The following SMG5 variants were observed in gnomAD, a reference collection of about 807,000 sequenced individuals.
SMG5 encodes the protein SMG5 nonsense mediated mRNA decay factor.
A neutral mutation model predicts 122.9 loss-of-function variants in SMG5; 53 were observed. The ratio of observed to expected loss-of-function variants is 0.43; its 90% CI spans 0.35 to 0.54. SMG5 has a LOEUF of 0.54. Ranked by LOEUF, SMG5 falls within the 20% of genes least tolerant of loss-of-function variation. The pLI, the probability that SMG5 is intolerant of heterozygous loss-of-function variation, is 0.01. For synonymous variants in SMG5, 477 were observed against 490.2 expected (o/e 0.97, Z 0.35); for missense variants, 1,153 against 1,285.6 (o/e 0.90, Z 1.58).
Position 156,265,809 on chromosome 1 carries a change from A to G in SMG5, c.1827T>C (p.Asn609=), listed in dbSNP as rs1451408191. The change falls in exon 12 of 22, where the codon AAT becomes AAC. Residue 609 remains asparagine, a synonymous_variant. Coordinates refer to ENST00000361813, the MANE Select transcript of SMG5 (RefSeq NM_015327.3). ...GCTCTGAAGGCTTGTCTACATCCCC[A>G]TTGACGCAAGGCCTGTGGCTGGCCG... ...HTSASHRPCV[N]GDVDKPSEPA... The G allele has an allele frequency of 1.9e-6, 3 of 1,614,110 alleles. No individual in the cohort carries two copies. The highest frequency in any genetic ancestry group is 2.5e-6 in the Non-Finnish European group (3 of 1,179,974).
chr1:156,262,181 T>C (rs1037339537), intron 13 of SMG5, among the ~76,000 whole-genome samples: 6 of 151,976 alleles, frequency 3.9e-5, no homozygotes, highest in South Asian at 2.1e-4. Flanking sequence ...CTGAGCTTTT[T>C]CACCAGCTGA....
At chr1:156,251,619 ATTC>A in intron 19 of SMG5, 142 bp from the exon 20 acceptor site, 1 of 790,948 alleles carries the variant, frequency 1.3e-6, no homozygotes, top group Middle Eastern at 3.7e-4. Flanking sequence ...CTCTGGAGCC[ATTC>A]TTAAGTGGCT....
chr1:156,282,808 G>T lies in SMG5; in HGVS notation c.-128C>A, dbSNP rs948424373. ...GGCCCTGCTCGGCCGCCATCGCTGT[G>T]AGGCGGCTGCCCGCGACAGCTCCTC... On this transcript the variant is annotated 5_prime_UTR_variant, in exon 1 of 22. Coordinates refer to ENST00000361813, the MANE Select transcript of SMG5 (RefSeq NM_015327.3). The T allele has an allele frequency of 1.9e-6, 2 of 1,035,272 alleles. No homozygotes were observed. The highest frequency in any genetic ancestry group is 2.8e-5 in the East Asian group (1 of 35,778). 64.1% of individuals were successfully genotyped at this position (1,035,272 alleles called of 1,614,324 possible).
At chr1:156,256,797 T>C (rs1225457681) in intron 16 of SMG5, among the ~76,000 whole-genome samples, 1 of 152,138 alleles carries the variant, frequency 6.6e-6, no homozygotes, top group East Asian at 1.9e-4. Context: ...GCTAAGTCTC[T>C]AAAGCAGCAG....
At chr1:156,266,777 G>T in intron 10 of SMG5, 99 bp from the exon 11 acceptor site, 2 of 1,308,114 alleles carry the variant, frequency 1.5e-6, no homozygotes, top group South Asian at 1.5e-5. Flanking sequence ...ACTCTTCCAA[G>T]GATCCAACTA....
intron 16 of SMG5, among the ~76,000 whole-genome samples, chr1:156,257,694 G>A (rs1431164002): frequency 1.3e-5 from 2 of 152,160 alleles, no homozygotes; most frequent in Admixed American, 6.5e-5. Flanking sequence ...TTTTCAGACA[G>A]TAAGGAAGGG....
intron 6 of SMG5, among the ~76,000 whole-genome samples, chr1:156,273,022 T>C (rs1384671697): frequency 6.6e-6 from 1 of 152,148 alleles, no homozygotes; most frequent in African/African-American, 2.4e-5. Flanking sequence ...TGAATGCTTG[T>C]TCCTACATGC....
At chr1:156,286,298 G>A (rs150015785), upstream of SMG5, 32 of 1,614,106 alleles carry the variant, frequency 2.0e-5, no homozygotes, top group Non-Finnish European at 2.7e-5. Flanking sequence ...ATGCTTTTCT[G>A]CCCTTCGGCC....
intron 16 of SMG5, among the ~76,000 whole-genome samples, chr1:156,254,899 G>A (rs1299483057): frequency 5.9e-5 from 9 of 151,532 alleles, no homozygotes; most frequent in Admixed American, 5.9e-4. Flanking sequence ...AGAGCAGCCT[G>A]GCCAACATGG....
chr1:156,271,673 AAGTGATTCTCCTGC>A (rs1214735570), intron 7 of SMG5, among the ~76,000 whole-genome samples: 1 of 87,950 alleles, frequency 1.1e-5, no homozygotes, highest in Non-Finnish European at 2.9e-5. Context: ...TCCTGGGTTC[AAGTGATTCTCCTGC>A]GTTCAAGTGA....
chr1:156,269,340 C>T (rs1209012626), intron 7 of SMG5, among the ~76,000 whole-genome samples: 3 of 152,112 alleles, frequency 2.0e-5, no homozygotes, highest in Non-Finnish European at 2.9e-5. Flanking sequence ...GCCTTAAACT[C>T]CTGGACTCAA....
upstream of SMG5, chr1:156,285,934 G>T: frequency 6.2e-7 from 1 of 1,612,860 alleles, no homozygotes; most frequent in Middle Eastern, 1.6e-4. Flanking sequence ...GTTCCCGCCT[G>T]ATCTACACAC....
chr1:156,282,747 C>G lies in SMG5; in HGVS notation c.-67G>C. On this transcript the variant is annotated 5_prime_UTR_variant, in exon 1 of 22. Coordinates refer to ENST00000361813, the MANE Select transcript of SMG5 (RefSeq NM_015327.3). ...CCACCCACCACTACCGCCAACACTG[C>G]CGTCTCCGGCCGTAGCCGCAGCCGC... 2 of 1,478,806 alleles carry G rather than the reference C, an allele frequency of 1.4e-6. No homozygotes were observed. Among genetic ancestry groups the G allele is most frequent in the Non-Finnish European group, 1.8e-6 (2 of 1,105,358 alleles). 91.6% of individuals were successfully genotyped at this position (1,478,806 alleles called of 1,614,324 possible).
At position 156,272,276 on chromosome 1, in the gene SMG5, T is replaced by G; in HGVS notation, c.713+44A>C. ...GACGGAAAACAAAGCCAAAATAATATGCACACAAAAGCAGGGCTGGAAAAA... is the reference window on the plus strand; with the variant it reads ...GACGGAAAACAAAGCCAAAATAATAGGCACACAAAAGCAGGGCTGGAAAAA... On this transcript the variant is annotated intron_variant, in intron 7 of 21. Transcript: ENST00000361813. 3 of 1,529,032 alleles carry G rather than the reference T, an allele frequency of 2.0e-6. No homozygotes were observed. The East Asian group carries it at 7.2e-5, about 37-fold the overall frequency. The allele number at this position is 1,529,032 out of a possible 1,614,324, so 94.7% of individuals were successfully genotyped here.
At chr1:156,261,112 A>C (rs553120688) in intron 14 of SMG5, among the ~76,000 whole-genome samples, 1 of 152,308 alleles carries the variant, frequency 6.6e-6, no homozygotes, top group African/African-American at 2.4e-5. Flanking sequence ...CCTAGGGAGC[A>C]CACTCCCTTG....
intron 7 of SMG5, among the ~76,000 whole-genome samples, chr1:156,271,029 A>G (rs947794799): frequency 1.3e-5 from 2 of 152,090 alleles, no homozygotes; most frequent in Admixed American, 6.5e-5. Context: ...AAGAAAAAAG[A>G]AATGCGAAAG....
chr1:156,260,549 G>A lies in SMG5; in HGVS notation c.2185C>T (p.Pro729Ser). ...LPDLPSSLLL[P>S]EDMALRNLPP... ...AGGTTACGAAGAGCCATGTCCTCTG[G>A]GAGCAGAAGGCTAGAGGGGAGGTCA... The change falls in exon 15 of 22, where the codon CCA becomes TCA. Residue 729 changes from proline to serine, a missense_variant. By Grantham distance (74) the Pro-to-Ser change is moderately conservative. This residue lies in a region of SMG5 where 631 missense variants were observed against 650.6 expected (regional missense o/e 0.97). Coordinates refer to ENST00000361813, the MANE Select transcript of SMG5 (RefSeq NM_015327.3). 1 of 1,564,284 alleles carries A rather than the reference G, an allele frequency of 6.4e-7. No homozygotes were observed. Among genetic ancestry groups the A allele is most frequent in the Non-Finnish European group, 8.6e-7 (1 of 1,161,688 alleles).
upstream of SMG5, chr1:156,285,585 T>C: frequency 6.2e-7 from 1 of 1,614,238 alleles, no homozygotes; most frequent in Non-Finnish European, 8.5e-7. Flanking sequence ...GATGCCAACC[T>C]GCTGCCTGAG....
chr1:156,250,584 G>A lies in SMG5; in HGVS notation c.*3C>T, dbSNP rs1351720996. The A allele has an allele frequency of 3.7e-6, 6 of 1,613,716 alleles. No homozygotes were observed. The highest frequency in any genetic ancestry group is 3.4e-6 in the Non-Finnish European group (4 of 1,179,778). On this transcript the variant is annotated 3_prime_UTR_variant, in exon 22 of 22. Coordinates refer to ENST00000361813, the MANE Select transcript of SMG5 (RefSeq NM_015327.3). ...GCCCCACTGCAGGGCCTGGGGGTCA[G>A]TATCAACCAATTTCCTTCCACTGCT...
Sources: allele counts gnomAD v4.1 joint callset (sites outside exome capture counted in the v4.1 genomes callset), GRCh38; gene constraint gnomAD v4.1.1; regional missense constraint gnomAD v4.1.1; transcripts MANE v1.5; gene names NCBI Gene and HGNC (gene_info 2026-07-23, HGNC 2026-07-21).